The following CABYR variants were observed in gnomAD, a reference collection of about 807,000 sequenced individuals.
CABYR encodes calcium-binding tyrosine phosphorylation-regulated protein.
A neutral mutation model predicts 36.1 loss-of-function variants in CABYR; 31 were observed. That is an observed-to-expected ratio of 0.86 (90% CI 0.64 to 1.16). The LOEUF is 1.16. CABYR is among the 50% of genes most tolerant of loss of function. The pLI is 0.00. For synonymous variants in CABYR, 146 were observed against 160.7 expected (o/e 0.91, Z 0.69); for missense variants, 429 against 455.8 (o/e 0.94, Z 0.53).
chr18:24,159,926 T>A lies in CABYR; in HGVS notation c.996T>A (p.Leu332=), dbSNP rs756623121. 13 of 1,613,996 alleles carry A rather than the reference T, an allele frequency of 8.1e-6. No homozygotes were observed. Among genetic ancestry groups the A allele is most frequent in the Non-Finnish European group, 1.0e-5 (12 of 1,180,028 alleles). ...DVPRPKSPVF[L]SVAFPVEDVA... is the part of the protein sequence containing the mutation. ...CCAGGCCAAAAAGCCCTGTTTTCCT[T>A]TCTGTTGCTTTCCCAGTAGAAGATG... Residue 332 remains leucine, a synonymous_variant, in exon 5 of 6, where the codon CTT becomes CTA. Transcript: ENST00000399496.
chr18:24,151,687 CTTTTTT>C (rs35513415), intron 3 of CABYR, among the ~76,000 whole-genome samples: 6 of 123,942 alleles, frequency 4.8e-5, no homozygotes, highest in Admixed American at 8.8e-5. Context: ...CTAGTGTTGG[CTTTTTT>C]TTTTTTTTTT....
intron 1 of CABYR, among the ~76,000 whole-genome samples, 163 bp downstream of exon 1, chr18:24,139,281 G>C (rs952244843): frequency 6.6e-6 from 1 of 152,078 alleles, no homozygotes; most frequent in South Asian, 2.1e-4. Context: ...GGAGTGCGGC[G>C]ACCAGACGGC....
chr18:24,159,424 C>T, intron 4 of CABYR, 48 bp from the exon 5 acceptor site: 1 of 1,326,254 alleles, frequency 7.5e-7, no homozygotes, highest in Non-Finnish European at 1.1e-6. Context: ...TGCATAGTGC[C>T]TGATACAGAG....
chr18:24,159,941 A>C lies in CABYR; in HGVS notation c.1011A>C (p.Pro337=). The C allele has an allele frequency of 6.2e-7, 1 of 1,614,142 alleles. No homozygotes were observed. Among genetic ancestry groups the C allele is most frequent in the Non-Finnish European group, 8.5e-7 (1 of 1,180,022 alleles). ...KSPVFLSVAF[P]VEDVAKKSSG... ...CTGTTTTCCTTTCTGTTGCTTTCCC[A>C]GTAGAAGATGTAGCTAAAAAAAGTT... Residue 337 remains proline, a synonymous_variant, in exon 5 of 6, where the codon CCA becomes CCC. Coordinates refer to ENST00000399496, the MANE Select transcript of CABYR (RefSeq NM_153769.3).
rs1567905006 is a variant in CABYR at position 24,159,570 on chromosome 18, C to T, written c.640C>T (p.Pro214Ser). 6.2e-7 allele frequency: 1 copy of T among 1,614,102 alleles called. No individual in the cohort carries two copies. Among genetic ancestry groups the T allele is most frequent in the Non-Finnish European group, 8.5e-7 (1 of 1,180,028 alleles). ...GAATCAACAAGGTCACCCATCACCG[C>T]CACCTGCACCTGGGCCTTTTCCCCA... ...DKNQQGHPSP[P>S]PAPGPFPQAT... Residue 214 changes from proline (P) to serine (S), a missense_variant, in exon 5 of 6, where the codon CCA (proline) becomes TCA (serine). Physicochemically the swap from Pro to Ser is moderately conservative, Grantham distance 74. Transcript: ENST00000399496.
intron 1 of CABYR, chr18:24,139,499 T>C (rs1020552096): frequency 6.6e-6 from 1 of 152,214 alleles, no homozygotes; most frequent in African/African-American, 2.4e-5. Context: ...GGCTCCGAAG[T>C]CCCCGCTGGC....
chr18:24,156,737 C>A (rs2085799259), intron 4 of CABYR: 1 of 1,614,048 alleles, frequency 6.2e-7, no homozygotes, highest in African/African-American at 1.3e-5. Flanking sequence ...TCAAAATAGG[C>A]TCTGAAAAAT....
chr18:24,154,263 A>C (rs903421953), intron 3 of CABYR, among the ~76,000 whole-genome samples: 26 of 152,144 alleles, frequency 1.7e-4, no homozygotes, highest in Non-Finnish European at 2.8e-4. Context: ...TAGTCTTTCT[A>C]TCCTCAACAG....
At chr18:24,148,854 T>C (rs578143063) in intron 3 of CABYR, 1 of 152,422 alleles carries the variant, frequency 6.6e-6, no homozygotes, top group Admixed American at 6.5e-5. Flanking sequence ...ATAAAAGCAG[T>C]GTGGACCCAA....
At position 24,157,086 on chromosome 18, in the gene CABYR, T is replaced by C. The variant is rs775188746; in HGVS notation, c.541+1044T>C. On this transcript the variant is annotated intron_variant, in intron 4 of 5. Transcript: ENST00000399496. ...GCCATCTCTGTCGGCTCCCTGCAGA[T>C]TGGTCAGTCTTTATTTTCAATAGAC... is the stretch of plus-strand genomic sequence containing the variant. 19 of 938,248 alleles carry C rather than the reference T, an allele frequency of 2.0e-5. No individual in the cohort carries two copies. The South Asian group carries it at 3.1e-4, about 15-fold the overall frequency. The allele number at this position is 938,248 out of a possible 1,614,324, so 58.1% of individuals were successfully genotyped here.
At chr18:24,142,330 C>T (rs1209833516) in intron 1 of CABYR, among the ~76,000 whole-genome samples, 1 of 151,708 alleles carries the variant, frequency 6.6e-6, no homozygotes, top group African/African-American at 2.4e-5. Context: ...AAAAAAAAAG[C>T]AGCATGTCTG....
chr18:24,143,781 C>T (rs906874048), intron 3 of CABYR, among the ~76,000 whole-genome samples: 7 of 152,256 alleles, frequency 4.6e-5, no homozygotes, highest in Admixed American at 1.3e-4. Context: ...AGTGATCTTC[C>T]TGCCACAGCC....
intron 4 of CABYR, among the ~76,000 whole-genome samples, chr18:24,157,333 CTG>C (rs1438739388): frequency 1.3e-5 from 2 of 152,166 alleles, no homozygotes; most frequent in Non-Finnish European, 2.9e-5. Context: ...GATTGCAAAA[CTG>C]TAATTAGAGG....
chr18:24,141,524 T>C (rs190763096), intron 1 of CABYR, among the ~76,000 whole-genome samples: 1 of 152,292 alleles, frequency 6.6e-6, no homozygotes, highest in Non-Finnish European at 1.5e-5. Context: ...TAACCACCTA[T>C]CTCCTATTTT....
intron 4 of CABYR, chr18:24,157,116 T>G (rs944128366): frequency 2.8e-6 from 2 of 716,736 alleles, no homozygotes; most frequent in African/African-American, 3.6e-5. Flanking sequence ...ATAGACTTTT[T>G]TTAAATGCCA....
At chr18:24,158,934 G>C (rs1280026805) in intron 4 of CABYR, among the ~76,000 whole-genome samples, 1 of 152,098 alleles carries the variant, frequency 6.6e-6, no homozygotes. Context: ...TGCTCTCTGG[G>C]GTTCTCAATC....
rs2085371072 is a variant in CABYR at position 24,143,196 on chromosome 18, A to G, written c.82A>G (p.Thr28Ala). ...GGGAATTAGCAGAGCTGTTCTCAAA[A>G]CCAACCCATCAAACATCAACCAGTT... ...LEGISRAVLK[T>A]NPSNINQFAA... The change falls in exon 2 of 6, where the codon ACC becomes GCC. Residue 28 changes from threonine to alanine, a missense_variant. Transcript: ENST00000399496. 2 of 1,614,098 alleles carry G rather than the reference A, an allele frequency of 1.2e-6. No homozygotes were observed. The highest frequency in any genetic ancestry group is 1.7e-6 in the Non-Finnish European group (2 of 1,180,000).
intron 5 of CABYR, 132 bp downstream of exon 5, chr18:24,160,201 C>T (rs1050554744): frequency 1.3e-5 from 9 of 675,948 alleles, no homozygotes; most frequent in African/African-American, 1.1e-4. Context: ...CTCTAACTTC[C>T]TGGGGTTACT....
intron 4 of CABYR, 170 bp downstream of exon 4, chr18:24,156,212 C>G (rs1245949983): frequency 1.2e-6 from 2 of 1,614,044 alleles, no homozygotes; most frequent in Non-Finnish European, 1.7e-6. Flanking sequence ...AGGTTGTGAA[C>G]CAAACATCTG....
Sources: gnomAD v4.1 joint callset for allele counts (sites outside exome capture counted in the v4.1 genomes callset) on GRCh38, gnomAD v4.1.1 for gene constraint, MANE v1.5 for transcripts, NCBI Gene and HGNC (gene_info 2026-07-23, HGNC 2026-07-21) for gene names.